SCN11A: variants seen among roughly 807,000 people sequenced by gnomAD.
The protein encoded by SCN11A is sodium voltage-gated channel alpha subunit 11.
In SCN11A, 122 loss-of-function variants were observed where a neutral mutation model predicts 162.2. The ratio of observed to expected loss-of-function variants is 0.75; its 90% CI spans 0.65 to 0.87. The LOEUF (loss-of-function observed/expected upper bound fraction) is 0.87. Ranked by LOEUF, SCN11A falls within the 40% of genes least tolerant of loss-of-function variation. The probability of loss-of-function intolerance (pLI) is 0.00; values close to 1 mark genes in which losing one functional copy is unlikely to be tolerated. For missense variants in SCN11A, 2,015 were observed against 2,181.6 expected, an observed-to-expected ratio of 0.92 and a Z score of 1.52; for synonymous variants, 758 against 751.5, an observed-to-expected ratio of 1.01 and a Z score of -0.14.
chr3:39,029,470 G>A (rs560923374), intron 2 of SCN11A, among the ~76,000 whole-genome samples: 77 of 152,272 alleles, frequency 5.1e-4, no homozygotes, highest in African/African-American at 1.7e-3. Flanking sequence ...TGTATTATTA[G>A]GGAAATTGGC....
intron 9 of SCN11A, among the ~76,000 whole-genome samples, chr3:38,922,158 A>G (rs899096779): frequency 7.9e-5 from 12 of 152,232 alleles, no homozygotes; most frequent in African/African-American, 2.9e-4. Context: ...AATGACACTA[A>G]GTGACAAAAT....
At position 38,867,303 on chromosome 3, in the gene SCN11A, G is replaced by A; in HGVS notation, c.3951+18C>T. ...GACAGAGATAAAATTACCAAATCAAGACAACCCAGATACTTATCTTTTTCT... is the reference window on the plus strand; with the variant it reads ...GACAGAGATAAAATTACCAAATCAAAACAACCCAGATACTTATCTTTTTCT... On this transcript the variant is annotated intron_variant, in intron 27 of 29. Coordinates refer to ENST00000302328, the MANE Select transcript of SCN11A (RefSeq NM_001349253.2). 1 of 1,606,358 alleles carries A rather than the reference G, an allele frequency of 6.2e-7. No individual in the cohort carries two copies. Among genetic ancestry groups the A allele is most frequent in the Non-Finnish European group, 8.5e-7 (1 of 1,176,830 alleles).
Position 38,950,216 on chromosome 3 carries a change from C to T in SCN11A, c.147G>A (p.Gln49=). The part of the protein sequence containing the change: ...KSKDQTGEVP[Q]PRPQLDLKAS... ...CCTTTAGGTCAAGCTGAGGCCGAGGCTGGGGTACTTCTCCTGTCTGGTCTT... is the reference window on the plus strand; with the variant it reads ...CCTTTAGGTCAAGCTGAGGCCGAGGTTGGGGTACTTCTCCTGTCTGGTCTT... Residue 49 remains glutamine (Q), a synonymous_variant, in exon 5 of 30, where the codon CAG becomes CAA. Coordinates refer to ENST00000302328, the MANE Select transcript of SCN11A (RefSeq NM_001349253.2). The T allele has an allele frequency of 6.2e-7, 1 of 1,614,062 alleles. No homozygotes were observed.
At chr3:38,863,997 T>A (rs1250414077) in intron 27 of SCN11A, among the ~76,000 whole-genome samples, 2 of 152,128 alleles carry the variant, frequency 1.3e-5, no homozygotes, top group African/African-American at 4.8e-5. Context: ...CTTAGAACAT[T>A]TACTAATCTC....
chr3:38,938,179 A>C (rs993664493), intron 7 of SCN11A, among the ~76,000 whole-genome samples: 5 of 151,630 alleles, frequency 3.3e-5, no homozygotes, highest in Admixed American at 1.3e-4. Flanking sequence ...GAATTGAACA[A>C]TGAGAACACA....
chr3:39,037,533 C>A (rs1326397644), intron 1 of SCN11A, among the ~76,000 whole-genome samples: 2 of 152,044 alleles, frequency 1.3e-5, no homozygotes, highest in African/African-American at 2.4e-5. Context: ...AATAGATACG[C>A]CATATACCCT....
chr3:38,960,024 C>T (rs1034920549), intron 3 of SCN11A, among the ~76,000 whole-genome samples: 2 of 152,116 alleles, frequency 1.3e-5, no homozygotes, highest in Non-Finnish European at 2.9e-5. Context: ...GGGTTGCAAG[C>T]GCCTATTAGG....
intron 17 of SCN11A, among the ~76,000 whole-genome samples, chr3:38,899,488 T>C (rs577504692): frequency 4.7e-4 from 71 of 152,308 alleles, no homozygotes; most frequent in African/African-American, 1.7e-3. Context: ...CGGCATTCTA[T>C]AGTCTTTGCC....
intron 13 of SCN11A, among the ~76,000 whole-genome samples, 195 bp downstream of exon 13, chr3:38,908,802 C>CCTG (rs2065841276): frequency 6.6e-6 from 1 of 152,110 alleles, no homozygotes; most frequent in African/African-American, 2.4e-5. Flanking sequence ...TTTTGAAGGG[C>CCTG]CTGGTGCCTG....
At chr3:38,923,853 C>T (rs1005064596) in intron 9 of SCN11A, among the ~76,000 whole-genome samples, 1 of 152,100 alleles carries the variant, frequency 6.6e-6, no homozygotes, top group East Asian at 1.9e-4. Context: ...AGTTTGATGT[C>T]TGAGAGACAG....
intron 26 of SCN11A, among the ~76,000 whole-genome samples, 183 bp from the exon 27 acceptor site, chr3:38,867,641 G>GA (rs1264992591): frequency 6.6e-6 from 1 of 152,194 alleles, no homozygotes; most frequent in African/African-American, 2.4e-5. Context: ...CAGCTTGAGT[G>GA]ATGGCATGTG....
chr3:38,933,289 A>G (rs1163476298), intron 7 of SCN11A, among the ~76,000 whole-genome samples: 2 of 152,202 alleles, frequency 1.3e-5, no homozygotes, highest in Non-Finnish European at 2.9e-5. Flanking sequence ...CAGAGCAGAA[A>G]AACTGGAAAC....
Position 38,847,185 on chromosome 3 carries a change from C to T in SCN11A, c.4885G>A (p.Val1629Met). The part of the protein sequence containing the change: ...GEDDFDIFYE[V>M]WEKFDPEATQ... ...GCTTCTGGGTCAAACTTTTCCCACA[C>T]TTCATAAAATATGTCAAAGTCATCT... Residue 1629 changes from valine (V) to methionine (M), a missense_variant, in exon 30 of 30, where the codon GTG becomes ATG. Physicochemically the swap from Val to Met is conservative, Grantham distance 21. Transcript: ENST00000302328. 6.2e-7 allele frequency: 1 copy of T among 1,614,154 alleles called. No homozygotes were observed. The highest frequency in any genetic ancestry group is 8.5e-7 in the Non-Finnish European group (1 of 1,179,994).
intron 5 of SCN11A, among the ~76,000 whole-genome samples, chr3:38,947,865 T>C (rs928673250): frequency 6.6e-6 from 1 of 152,202 alleles, no homozygotes; most frequent in Non-Finnish European, 1.5e-5. Context: ...CATTCCTTTC[T>C]CCCCAACTGA....
chr3:39,049,431 C>T (rs1196108379), intron 1 of SCN11A, among the ~76,000 whole-genome samples: 11 of 152,178 alleles, frequency 7.2e-5, no homozygotes, highest in African/African-American at 2.7e-4. Flanking sequence ...GTGGTGTCAG[C>T]GGAAGTACAG....
chr3:39,016,483 G>C (rs1399909123), intron 2 of SCN11A, among the ~76,000 whole-genome samples: 1 of 152,070 alleles, frequency 6.6e-6, no homozygotes, highest in Non-Finnish European at 1.5e-5. Flanking sequence ...CCTATGGCCT[G>C]AAAGACATCC....
chr3:38,988,307 C>T lies in SCN11A; in HGVS notation c.-279-27884G>A, dbSNP rs907943531. Among the ~76,000 whole-genome samples the T allele has an allele frequency of 4.4e-4, 67 of 152,188 alleles. 1 individual carries two copies. The highest frequency in any genetic ancestry group is 1.5e-3 in the African/African-American group (62 of 41,524). On this transcript the variant is annotated intron_variant, in intron 2 of 29. Transcript: ENST00000302328. ...AGGGCTCTGAAGGAGAAATACTCTT[C>T]CTTCCTTATTTATCACCTATCTCTC...
intron 2 of SCN11A, among the ~76,000 whole-genome samples, chr3:39,014,628 C>A (rs1285891507): frequency 2.6e-5 from 4 of 152,136 alleles, no homozygotes; most frequent in Admixed American, 6.5e-5. Context: ...ATAGTAAGAC[C>A]AGTTGAATCC....
intron 11 of SCN11A, among the ~76,000 whole-genome samples, chr3:38,918,493 T>C (rs996528321): frequency 6.6e-6 from 1 of 152,202 alleles, no homozygotes; most frequent in African/African-American, 2.4e-5. Flanking sequence ...AGAATCTAAC[T>C]AATGCCTGAT....
Sources: gnomAD v4.1 joint callset for allele counts (sites outside exome capture counted in the v4.1 genomes callset) on GRCh38, gnomAD v4.1.1 for gene constraint, MANE v1.5 for transcripts, NCBI Gene and HGNC (gene_info 2026-07-23, HGNC 2026-07-21) for gene names.